The following WWOX variants were observed in gnomAD, a reference collection of about 807,000 sequenced individuals.
The protein encoded by WWOX is WW domain containing oxidoreductase.
A neutral mutation model predicts 46.2 loss-of-function variants in WWOX; 69 were observed. The ratio of observed to expected loss-of-function variants is 1.49; its 90% CI spans 1.23 to 1.82. The LOEUF (loss-of-function observed/expected upper bound fraction) is 1.82, where lower values mean the gene tolerates loss of function less well. Among genes scored for constraint, WWOX ranks in the 40% most tolerant of loss-of-function variants. The pLI is 0.00. For synonymous variants in WWOX, 359 were observed against 202.6 expected, an observed-to-expected ratio of 1.77 and a Z score of -6.56; for missense variants, 919 against 542.6, an observed-to-expected ratio of 1.69 and a Z score of -6.89.
intron 8 of WWOX, among the ~76,000 whole-genome samples, chr16:78,843,048 T>C (rs1271569342): frequency 6.7e-6 from 1 of 150,040 alleles, no homozygotes; most frequent in African/African-American, 2.4e-5. Context: ...CTGCAAACAT[T>C]GCACTAATGT....
intron 8 of WWOX, among the ~76,000 whole-genome samples, chr16:78,781,319 A>C (rs1367995699): frequency 6.6e-6 from 1 of 152,178 alleles, no homozygotes; most frequent in Admixed American, 6.5e-5. Flanking sequence ...TTGGAAGGAC[A>C]GGAAAGGGGA....
chr16:79,196,221 A>C lies in WWOX; in HGVS notation c.1057-15387A>C, dbSNP rs370252012. 7 of 152,258 alleles carry C rather than the reference A, an allele frequency of 4.6e-5. No individual in the cohort carries two copies. In the South Asian group the frequency reaches 6.2e-4, roughly 13 times the overall value. The allele number at this position is 152,258 out of a possible 1,614,324, so 9.4% of individuals were successfully genotyped here. A position where few individuals can be genotyped will look rare whatever the true frequency, so the allele number is the denominator to read the frequency against. ...AAGGTGAGAGACTCGGAAATTACACATGTACATTGTATATTACATGTATAC... is the reference window on the plus strand; with the variant it reads ...AAGGTGAGAGACTCGGAAATTACACCTGTACATTGTATATTACATGTATAC... On this transcript the variant is annotated intron_variant, in intron 8 of 8. Transcript: ENST00000566780.
chr16:78,208,014 T>C (rs2036448392), intron 5 of WWOX, among the ~76,000 whole-genome samples: 1 of 152,274 alleles, frequency 6.6e-6, no homozygotes, highest in African/African-American at 2.4e-5. Flanking sequence ...GGTTTCGCCA[T>C]GTTGGCCAGG....
At chr16:78,718,707 A>C (rs2048624448) in intron 8 of WWOX, among the ~76,000 whole-genome samples, 1 of 152,126 alleles carries the variant, frequency 6.6e-6, no homozygotes, top group Non-Finnish European at 1.5e-5. Context: ...GACACTACCT[A>C]GATAGCTTAG....
At chr16:78,359,702 A>G (rs1385897677) in intron 5 of WWOX, among the ~76,000 whole-genome samples, 1 of 152,252 alleles carries the variant, frequency 6.6e-6, no homozygotes, top group Non-Finnish European at 1.5e-5. Context: ...CAACTGCCAC[A>G]AAAACACAAC....
intron 5 of WWOX, among the ~76,000 whole-genome samples, chr16:78,210,080 G>C (rs976296890): frequency 1.3e-5 from 2 of 152,094 alleles, no homozygotes. Flanking sequence ...GAAAAATGAC[G>C]TGTGAGCTGA....
At chr16:78,942,812 G>T (rs933464003) in intron 8 of WWOX, among the ~76,000 whole-genome samples, 1 of 152,184 alleles carries the variant, frequency 6.6e-6, no homozygotes. Flanking sequence ...CTTCTCTCTG[G>T]TTTCCCGGAA....
At chr16:78,378,574 A>G (rs190088831) in intron 5 of WWOX, among the ~76,000 whole-genome samples, 4 of 152,312 alleles carry the variant, frequency 2.6e-5, no homozygotes, top group South Asian at 2.1e-4. Flanking sequence ...TTAGATTTCT[A>G]TTGTAGTTCA....
intron 8 of WWOX, among the ~76,000 whole-genome samples, chr16:78,950,529 C>CAGAT (rs1407524569): frequency 1.2e-5 from 1 of 83,642 alleles, no homozygotes; most frequent in Non-Finnish European, 2.4e-5. Context: ...CACACACACA[C>CAGAT]ACATACACAC....
At chr16:78,536,269 A>C (rs375994769) in intron 8 of WWOX, among the ~76,000 whole-genome samples, 10 of 152,202 alleles carry the variant, frequency 6.6e-5, no homozygotes, top group African/African-American at 2.4e-4. Context: ...TGTAGATTTT[A>C]ACCAAAGGTT....
intron 8 of WWOX, among the ~76,000 whole-genome samples, chr16:78,802,833 T>C (rs961058741): frequency 4.8e-5 from 7 of 145,976 alleles, no homozygotes; most frequent in Admixed American, 4.3e-4. Context: ...GGAGAATTGC[T>C]TGAACCCAGG....
At chr16:78,860,575 G>T (rs993880100) in intron 8 of WWOX, among the ~76,000 whole-genome samples, 1 of 152,158 alleles carries the variant, frequency 6.6e-6, no homozygotes, top group East Asian at 1.9e-4. Flanking sequence ...AAAAAGAAAA[G>T]TCCCTATCCT....
At chr16:78,895,110 A>G (rs571231947) in intron 8 of WWOX, among the ~76,000 whole-genome samples, 1 of 152,294 alleles carries the variant, frequency 6.6e-6, no homozygotes, top group East Asian at 1.9e-4. Context: ...TGGTGAGGGC[A>G]GTTATTAGGC....
At chr16:78,453,006 C>G (rs902847054) in intron 8 of WWOX, among the ~76,000 whole-genome samples, 6 of 151,704 alleles carry the variant, frequency 4.0e-5, no homozygotes, top group African/African-American at 1.5e-4. Context: ...CTCAGCCTCC[C>G]GAGTAGCTGG....
chr16:78,478,899 T>A (rs1336192610), intron 8 of WWOX, among the ~76,000 whole-genome samples: 3 of 152,234 alleles, frequency 2.0e-5, no homozygotes, highest in Admixed American at 6.5e-5. Context: ...TTTCATTAAC[T>A]CATTTCCAGT....
intron 8 of WWOX, among the ~76,000 whole-genome samples, chr16:78,631,569 G>A (rs1250964700): frequency 1.4e-5 from 2 of 142,826 alleles, no homozygotes; most frequent in African/African-American, 5.1e-5. Flanking sequence ...GACAGGGTCT[G>A]GCTCTGTCAC....
At chr16:78,325,185 C>A (rs533974078) in intron 5 of WWOX, among the ~76,000 whole-genome samples, 1 of 152,138 alleles carries the variant, frequency 6.6e-6, no homozygotes. Context: ...AATCCTTTTC[C>A]GTCACCATGC....
chr16:78,210,491 G>GCA (rs902336430), intron 5 of WWOX, among the ~76,000 whole-genome samples: 7 of 151,910 alleles, frequency 4.6e-5, no homozygotes, highest in Admixed American at 2.6e-4. Flanking sequence ...ACACGCGCGT[G>GCA]CACACACACA....
intron 8 of WWOX, among the ~76,000 whole-genome samples, chr16:78,607,279 T>C (rs2045782111): frequency 6.6e-6 from 1 of 152,300 alleles, no homozygotes; most frequent in African/African-American, 2.4e-5. Context: ...ATATTAAAAA[T>C]ATATACAAAA....
Sources: allele counts gnomAD v4.1 joint callset (sites outside exome capture counted in the v4.1 genomes callset), GRCh38; gene constraint gnomAD v4.1.1; transcripts MANE v1.5; gene names NCBI Gene and HGNC (gene_info 2026-07-23, HGNC 2026-07-21).